The following VPS50 variants were observed in gnomAD, a reference collection of about 807,000 sequenced individuals.
VPS50 encodes the protein syndetin.
Under a neutral mutation model 139.7 loss-of-function variants are expected in VPS50, and 70 were observed. That is an observed-to-expected ratio of 0.50 (90% CI 0.41 to 0.61). The LOEUF (loss-of-function observed/expected upper bound fraction) is 0.61. VPS50 is among the 20% of genes least tolerant of loss of function. VPS50 has a pLI of 0.00. For missense variants in VPS50, 921 were observed against 1,133.7 expected (o/e 0.81, Z 2.69); for synonymous variants, 365 against 376.7 (o/e 0.97, Z 0.36).
chr7:93,281,097 G>A (rs983427786), intron 12 of VPS50, among the ~76,000 whole-genome samples: 2 of 152,132 alleles, frequency 1.3e-5, no homozygotes, highest in Admixed American at 6.5e-5. Flanking sequence ...AGTCTGTTTA[G>A]GTTAAGTGAG....
chr7:93,271,197 A>G (rs1438852583), intron 9 of VPS50, 23 bp from the exon 10 acceptor site: 5 of 1,549,660 alleles, frequency 3.2e-6, no homozygotes, highest in Non-Finnish European at 4.3e-6. Flanking sequence ...ATAGAAAAAA[A>G]CTGTTTTTTT....
chr7:93,288,165 C>T lies in VPS50; in HGVS notation c.943-3538C>T, dbSNP rs555635677. Among the ~76,000 whole-genome samples the T allele has an allele frequency of 3.9e-5, 6 of 152,182 alleles. 1 individual carries two copies. Among genetic ancestry groups the T allele is most frequent in the African/African-American group, 1.2e-4 (5 of 41,528 alleles). ...ATCATGAGAACAGTATGGGGAAAAC[C>T]GCCCCGCCCTTGACACATGGGGATT... is the stretch of plus-strand genomic sequence containing the variant. On this transcript the variant is annotated intron_variant, in intron 12 of 27. Transcript: ENST00000305866.
At chr7:93,232,568 C>T (rs1794666202) in intron 1 of VPS50, 68 bp downstream of exon 1, 1 of 1,362,450 alleles carries the variant, frequency 7.3e-7, no homozygotes, top group Non-Finnish European at 1.1e-6. Flanking sequence ...GATGTTCTGT[C>T]CCCAACCAGT....
chr7:93,258,537 T>G lies in VPS50; in HGVS notation c.576+145T>G, dbSNP rs1244531304. The G allele has an allele frequency of 3.4e-5, 22 of 645,160 alleles. No homozygotes were observed. In the East Asian group the frequency reaches 6.1e-4, roughly 18 times the overall value. The allele number at this position is 645,160 out of a possible 1,614,324, so 40.0% of individuals were successfully genotyped here. On this transcript the variant is annotated intron_variant, in intron 8 of 27. Transcript: ENST00000305866. ...ATGTAAGATTTTTAGACGTCAAAGA[T>G]TCTTGCTCTGGAGCCTTTTTCTATT...
intron 9 of VPS50, among the ~76,000 whole-genome samples, chr7:93,264,057 G>A (rs146446291): frequency 2.6e-5 from 4 of 152,282 alleles, no homozygotes; most frequent in East Asian, 1.9e-4. Context: ...TTGAGTATCC[G>A]TGGATTTTGA....
intron 20 of VPS50, among the ~76,000 whole-genome samples, chr7:93,319,119 C>A (rs986393582): frequency 1.3e-4 from 20 of 152,272 alleles, no homozygotes; most frequent in Admixed American, 1.1e-3. Context: ...AAGAACATAT[C>A]TTTCTCATTC....
intron 27 of VPS50, chr7:93,356,330 C>T (rs566363859): frequency 2.1e-5 from 5 of 241,858 alleles, no homozygotes; most frequent in African/African-American, 1.1e-4. Context: ...AGAAATACAG[C>T]CAAAGCCAAG....
intron 20 of VPS50, among the ~76,000 whole-genome samples, chr7:93,312,659 A>ATCTTCTATTTCTTCTAT (rs978855789): frequency 6.6e-6 from 1 of 151,466 alleles, no homozygotes; most frequent in Non-Finnish European, 1.5e-5. Flanking sequence ...TATTTCTTCT[A>ATCTTCTATTTCTTCTAT]TCTTCTATTT....
At position 93,252,649 on chromosome 7, in the gene VPS50, A is replaced by G. The variant is rs773666671; in HGVS notation, c.103-4A>G. 2 of 1,577,812 alleles carry G rather than the reference A, an allele frequency of 1.3e-6. No individual in the cohort carries two copies. The highest frequency in any genetic ancestry group is 1.7e-6 in the Non-Finnish European group (2 of 1,159,410). On this transcript the variant is annotated splice_polypyrimidine_tract_variant and splice_region_variant and intron_variant, in intron 2 of 27. Transcript: ENST00000305866. ...ACTATAATTGTGATTTTTTTTTCTT[A>G]AAGGAAGAATTCAGGGAACTTCGAG... is the stretch of plus-strand genomic sequence containing the variant.
chr7:93,340,809 T>A (rs1261804661), intron 22 of VPS50: 1 of 152,232 alleles, frequency 6.6e-6, no homozygotes. Context: ...CATGGCTGTG[T>A]AACTGAATCA....
At chr7:93,279,781 G>A (rs1796268557) in intron 12 of VPS50, among the ~76,000 whole-genome samples, 2 of 152,106 alleles carry the variant, frequency 1.3e-5, no homozygotes. Flanking sequence ...CATACATAGA[G>A]CTTAAAAATA....
intron 26 of VPS50, among the ~76,000 whole-genome samples, chr7:93,354,241 TCA>T (rs1798634196): frequency 6.6e-6 from 1 of 152,064 alleles, no homozygotes; most frequent in African/African-American, 2.4e-5. Flanking sequence ...TTATCTAAGT[TCA>T]CACAGTTTTT....
In VPS50 at chr7:93,239,766, CTA is replaced by C; in HGVS notation, c.34-98_34-97del. 4 of 661,146 alleles carry C rather than the reference CTA, an allele frequency of 6.1e-6. No homozygotes were observed. The East Asian group carries it at 1.1e-4, about 18-fold the overall frequency. The allele number at this position is 661,146 out of a possible 1,614,324, so 41.0% of individuals were successfully genotyped here. ...TCCATATTTTGAAGCAGGAAAATTT[CTA>C]TTTTTAAAGTGGTCATTTCTGTTTC... On this transcript the variant is annotated intron_variant, in intron 1 of 27. Coordinates refer to ENST00000305866, the MANE Select transcript of VPS50 (RefSeq NM_017667.4).
intron 20 of VPS50, among the ~76,000 whole-genome samples, chr7:93,315,413 TA>T (rs1194807136): frequency 1.3e-5 from 2 of 152,206 alleles, no homozygotes; most frequent in African/African-American, 4.8e-5. Flanking sequence ...CAAATTCCTA[TA>T]AATACTTCCT....
intron 9 of VPS50, among the ~76,000 whole-genome samples, chr7:93,264,635 C>T (rs930377597): frequency 6.6e-6 from 1 of 152,100 alleles, no homozygotes; most frequent in Non-Finnish European, 1.5e-5. Flanking sequence ...AGAATATGAT[C>T]TTGGTAGTTT....
At chr7:93,250,167 T>C (rs917826404) in intron 2 of VPS50, among the ~76,000 whole-genome samples, 1 of 152,194 alleles carries the variant, frequency 6.6e-6, no homozygotes, top group Non-Finnish European at 1.5e-5. Flanking sequence ...TTTATGAGTT[T>C]GCCTTCTCTT....
Position 93,337,467 on chromosome 7 carries a change from C to G in VPS50, c.2058+3270C>G, listed in dbSNP as rs528322832. ...TCTAGAGCCACCTCCCTGTTCTATC[C>G]CTAATTAACTAGTTAGTACCTAAAT... On this transcript the variant is annotated intron_variant, in intron 22 of 27. Transcript: ENST00000305866. Among the ~76,000 whole-genome samples the G allele has an allele frequency of 7.2e-5, 11 of 152,090 alleles. 1 individual carries two copies. Among genetic ancestry groups the G allele is most frequent in the Admixed American group, 1.3e-4 (2 of 15,258 alleles).
chr7:93,355,855 C>A, intron 26 of VPS50, 36 bp from the exon 27 acceptor site: 1 of 1,336,818 alleles, frequency 7.5e-7, no homozygotes, highest in South Asian at 1.4e-5. Flanking sequence ...TCTAATTATC[C>A]TATAATGTAT....
chr7:93,255,775 A>G (rs968805343), intron 4 of VPS50, among the ~76,000 whole-genome samples: 4 of 152,154 alleles, frequency 2.6e-5, no homozygotes, highest in African/African-American at 4.8e-5. Context: ...GTGGGTGTTC[A>G]ATGTTTTGTT....
Sources: gnomAD v4.1 joint callset for allele counts (sites outside exome capture counted in the v4.1 genomes callset) on GRCh38, gnomAD v4.1.1 for gene constraint, MANE v1.5 for transcripts, NCBI Gene and HGNC (gene_info 2026-07-23, HGNC 2026-07-21) for gene names.